Variants in LYNX1 observed in about 807,000 individuals in gnomAD.
LYNX1 encodes the protein Ly6/neurotoxin 1, also known as ly-6/neurotoxin-like protein 1.
In LYNX1, 8 loss-of-function variants were observed where a neutral mutation model predicts 8.3. That is an observed-to-expected ratio of 0.97 (90% CI 0.57 to 1.74). The LOEUF (loss-of-function observed/expected upper bound fraction) is 1.74, where lower values mean the gene tolerates loss of function less well. Among genes scored for constraint, LYNX1 ranks in the 40% most tolerant of loss-of-function variants. LYNX1 has a pLI of 0.00. For synonymous variants in LYNX1, 73 were observed against 67.9 expected (o/e 1.08, Z -0.37); for missense variants, 158 against 159.7 (o/e 0.99, Z 0.06).
rs3735992 is a variant in LYNX1 at position 142,772,329 on chromosome 8, C to G, written c.*2838G>C. 3.9e-4 allele frequency: 385 copies of G among 985,704 alleles called. 7 individuals are homozygous for G. The East Asian group carries it at 0.036, about 92-fold the overall frequency. 61.1% of individuals were successfully genotyped at this position (985,704 alleles called of 1,614,324 possible). A position where few individuals can be genotyped will look rare whatever the true frequency, so the allele number is the denominator to read the frequency against. On this transcript the variant is annotated 3_prime_UTR_variant, in exon 4 of 4. Coordinates refer to ENST00000652477, the MANE Select transcript of LYNX1 (RefSeq NM_177477.4). ...CAGTGCCTCTCCCCCTCTCCTCTGC[C>G]ACTCTGCCCTGCACCCAGAGGCAGC...
rs1381103468 is a variant in LYNX1, at chr8:142,775,383, T to C, written c.155-20A>G. 1.2e-6 allele frequency: 2 copies of C among 1,609,642 alleles called. No individual in the cohort carries two copies. Among genetic ancestry groups the C allele is most frequent in the South Asian group, 1.1e-5 (1 of 90,946 alleles). ...TGTAGTCTGCAGAGGGGCGGGGCGG[T>C]GAGCCAGCTCCGCTAAGAGGGGCAG... On this transcript the variant is annotated intron_variant, in intron 3 of 3. Coordinates refer to ENST00000652477, the MANE Select transcript of LYNX1 (RefSeq NM_177477.4).
rs774106728 is a variant in LYNX1 at position 142,775,328 on chromosome 8, A to G, written c.190T>C (p.Cys64Arg). Residue 64 changes from cysteine to arginine, a missense_variant, in exon 4 of 4, where the codon TGC becomes CGC. Coordinates refer to ENST00000652477, the MANE Select transcript of LYNX1 (RefSeq NM_177477.4). ...ACAGTCTCGAAGCAGCGGGGCACGC[A>G]GGACTTACTGACCTTCATCCTGGTG... ...TPTRMKVSKS[C>R]VPRCFETVYD... is the part of the protein sequence containing the mutation. 2.5e-6 allele frequency: 4 copies of G among 1,613,900 alleles called. No homozygotes were observed. In the South Asian group the frequency reaches 4.4e-5, roughly 18 times the overall value.
At position 142,772,611 on chromosome 8, in the gene LYNX1, A is replaced by G. The variant is rs765273508; in HGVS notation, c.*2556T>C. On this transcript the variant is annotated 3_prime_UTR_variant, in exon 4 of 4. Coordinates refer to ENST00000652477, the MANE Select transcript of LYNX1 (RefSeq NM_177477.4). ...TCAAAGGGGCAAGATAATGGCTCCC[A>G]TTGCCGGGCTGCTATACAGTGCTCA... 2.1e-4 allele frequency: 211 copies of G among 985,320 alleles called. No homozygotes were observed. Among genetic ancestry groups the G allele is most frequent in the Non-Finnish European group, 2.4e-4 (202 of 829,986 alleles). 61.0% of individuals were successfully genotyped at this position (985,320 alleles called of 1,614,324 possible). A position where few individuals can be genotyped will look rare whatever the true frequency, so the allele number is the denominator to read the frequency against.
At chr8:142,776,993 G>A (rs923765923) in intron 1 of LYNX1, 113 bp downstream of exon 1, 1 of 152,200 alleles carries the variant, frequency 6.6e-6, no homozygotes, top group Admixed American at 6.5e-5. Flanking sequence ...CCAGAGTCAG[G>A]CCTGCGGCTT....
Position 142,772,082 on chromosome 8 carries a change from G to A in LYNX1, c.*3085C>T, listed in dbSNP as rs1003128231. ...GAATGTATAACATCCCAGGGTGCCA[G>A]AGCCCGCCCAAGCAGCCACTCCTGT... On this transcript the variant is annotated 3_prime_UTR_variant, in exon 4 of 4. Coordinates refer to ENST00000652477, the MANE Select transcript of LYNX1 (RefSeq NM_177477.4). 5 of 986,230 alleles carry A rather than the reference G, an allele frequency of 5.1e-6. No homozygotes were observed. The African/African-American group carries it at 8.7e-5, about 17-fold the overall frequency. 61.1% of individuals were successfully genotyped at this position (986,230 alleles called of 1,614,324 possible). A position where few individuals can be genotyped will look rare whatever the true frequency, so the allele number is the denominator to read the frequency against.
In LYNX1 at chr8:142,773,354, G is replaced by A; in HGVS notation, c.*1813C>T. 1.0e-6 allele frequency: 1 copy of A among 985,700 alleles called. No individual in the cohort carries two copies. The highest frequency in any genetic ancestry group is 1.2e-6 in the Non-Finnish European group (1 of 830,174). 61.1% of individuals were successfully genotyped at this position (985,700 alleles called of 1,614,324 possible). A position where few individuals can be genotyped will look rare whatever the true frequency, so the allele number is the denominator to read the frequency against. On this transcript the variant is annotated 3_prime_UTR_variant, in exon 4 of 4. Coordinates refer to ENST00000652477, the MANE Select transcript of LYNX1 (RefSeq NM_177477.4). ...CTTAGGGCTACAGCCACAACCACTG[G>A]GGGTAGGGGCGAGGGGAGTCCAGGC...
rs1815344447 is a variant in LYNX1, at chr8:142,775,051, G to A, written c.*116C>T. 1.4e-6 allele frequency: 2 copies of A among 1,479,744 alleles called. No homozygotes were observed. Among genetic ancestry groups the A allele is most frequent in the East Asian group, 2.5e-5 (1 of 40,734 alleles). 91.7% of individuals were successfully genotyped at this position (1,479,744 alleles called of 1,614,324 possible). A position where few individuals can be genotyped will look rare whatever the true frequency, so the allele number is the denominator to read the frequency against. On this transcript the variant is annotated 3_prime_UTR_variant, in exon 4 of 4. Coordinates refer to ENST00000652477, the MANE Select transcript of LYNX1 (RefSeq NM_177477.4). The stretch of plus-strand genomic sequence containing the variant: ...TCTTCTTGCCCACAGTCCTGACCCT[G>A]GGCATGGCTGAGGAGGTCGCAGGGA...
In LYNX1 at chr8:142,774,512, G is replaced by A; in HGVS notation, c.*655C>T. 1.0e-6 allele frequency: 1 copy of A among 985,902 alleles called. No individual in the cohort carries two copies. The highest frequency in any genetic ancestry group is 1.2e-6 in the Non-Finnish European group (1 of 830,284). The allele number at this position is 985,902 out of a possible 1,614,324, so 61.1% of individuals were successfully genotyped here. A position where few individuals can be genotyped will look rare whatever the true frequency, so the allele number is the denominator to read the frequency against. On this transcript the variant is annotated 3_prime_UTR_variant, in exon 4 of 4. Coordinates refer to ENST00000652477, the MANE Select transcript of LYNX1 (RefSeq NM_177477.4). ...TTGACTGAGAGGACACACACCCCTT[G>A]CTGGACCCGAAAAAGCTTCTGTGAC...
upstream of LYNX1, chr8:142,777,409 C>G (rs1587618993): frequency 8.3e-6 from 1 of 121,080 alleles, no homozygotes; most frequent in African/African-American, 3.5e-5. Flanking sequence ...CCAAGCCGCG[C>G]TCACTGCAGG....
In LYNX1 at chr8:142,771,317, A is replaced by G. The variant is rs1815167566; in HGVS notation, c.*3850T>C. 2 of 985,484 alleles carry G rather than the reference A, an allele frequency of 2.0e-6. No individual in the cohort carries two copies. The highest frequency in any genetic ancestry group is 2.4e-6 in the Non-Finnish European group (2 of 830,018). 61.0% of individuals were successfully genotyped at this position (985,484 alleles called of 1,614,324 possible). On this transcript the variant is annotated 3_prime_UTR_variant, in exon 4 of 4. Coordinates refer to ENST00000652477, the MANE Select transcript of LYNX1 (RefSeq NM_177477.4). ...TGGCCCTGGGAAGCACCTGGACCCCAGAACATAAGACAGGAGGGAGAGATG... is the reference window on the plus strand; with the variant it reads ...TGGCCCTGGGAAGCACCTGGACCCCGGAACATAAGACAGGAGGGAGAGATG...
Position 142,773,364 on chromosome 8 carries a change from C to T in LYNX1, c.*1803G>A, listed in dbSNP as rs955067282. 1.3e-4 allele frequency: 127 copies of T among 985,730 alleles called. No individual in the cohort carries two copies. The highest frequency in any genetic ancestry group is 1.5e-4 in the Non-Finnish European group (125 of 830,320). The allele number at this position is 985,730 out of a possible 1,614,324, so 61.1% of individuals were successfully genotyped here. ...CAGCCACAACCACTGGGGGTAGGGG[C>T]GAGGGGAGTCCAGGCCCACCCTGTG... On this transcript the variant is annotated 3_prime_UTR_variant, in exon 4 of 4. Transcript: ENST00000652477.
chr8:142,776,035 C>T lies in LYNX1; in HGVS notation c.-78G>A, dbSNP rs1295231099. Reference sequence around the variant, plus strand: ...CTGGATCCAACTCAGGGGTGGCGCACAGAGGATCCAACTCAGGGTGGTGCG... The same window carrying T: ...CTGGATCCAACTCAGGGGTGGCGCATAGAGGATCCAACTCAGGGTGGTGCG... On this transcript the variant is annotated 5_prime_UTR_variant, in exon 2 of 4. It adds an upstream start codon to the 5' untranslated region. Transcript: ENST00000652477. The T allele has an allele frequency of 1.2e-5, 19 of 1,542,702 alleles. No individual in the cohort carries two copies. Among genetic ancestry groups the T allele is most frequent in the Non-Finnish European group, 1.6e-5 (18 of 1,124,346 alleles).
chr8:142,774,721 G>C lies in LYNX1; in HGVS notation c.*446C>G. 9.9e-7 allele frequency: 1 copy of C among 1,009,982 alleles called. No homozygotes were observed. The highest frequency in any genetic ancestry group is 1.2e-6 in the Non-Finnish European group (1 of 845,256). 62.6% of individuals were successfully genotyped at this position (1,009,982 alleles called of 1,614,324 possible). A position where few individuals can be genotyped will look rare whatever the true frequency, so the allele number is the denominator to read the frequency against. On this transcript the variant is annotated 3_prime_UTR_variant, in exon 4 of 4. Coordinates refer to ENST00000652477, the MANE Select transcript of LYNX1 (RefSeq NM_177477.4). ...GTAGGAAGCGTGACTAGGCCTGGAG[G>C]AGCCTTTCCTCCTAAGAGTCTCCCC...
In LYNX1 at chr8:142,774,843, G is replaced by A; in HGVS notation, c.*324C>T. 8.2e-7 allele frequency: 1 copy of A among 1,212,626 alleles called. No individual in the cohort carries two copies. The allele number at this position is 1,212,626 out of a possible 1,614,324, so 75.1% of individuals were successfully genotyped here. On this transcript the variant is annotated 3_prime_UTR_variant, in exon 4 of 4. Transcript: ENST00000652477. ...CTCTCCTAGGGCTTCCCAGAAGGTGGGCTTGGCCACAGCTCCCATCTGCTC... is the reference window on the plus strand; with the variant it reads ...CTCTCCTAGGGCTTCCCAGAAGGTGAGCTTGGCCACAGCTCCCATCTGCTC...
Position 142,775,071 on chromosome 8 carries a change from C to T in LYNX1, c.*96G>A. 1 of 1,497,164 alleles carries T rather than the reference C, an allele frequency of 6.7e-7. No homozygotes were observed. The allele number at this position is 1,497,164 out of a possible 1,614,324, so 92.7% of individuals were successfully genotyped here. On this transcript the variant is annotated 3_prime_UTR_variant, in exon 4 of 4. Coordinates refer to ENST00000652477, the MANE Select transcript of LYNX1 (RefSeq NM_177477.4). ...ACCCTGGGCATGGCTGAGGAGGTCG[C>T]AGGGAGTGTGGAGGGTGAGGCAGGG...
At chr8:142,775,479 C>T in intron 3 of LYNX1, 114 bp downstream of exon 3, 1 of 1,561,168 alleles carries the variant, frequency 6.4e-7, no homozygotes, top group East Asian at 2.4e-5. Flanking sequence ...AGCTCCCAGA[C>T]AGGATCCGGG....
intron 3 of LYNX1, 99 bp downstream of exon 3, chr8:142,775,494 G>A: frequency 6.4e-7 from 1 of 1,557,138 alleles, no homozygotes; most frequent in Non-Finnish European, 8.7e-7. Flanking sequence ...TCCGGGAACA[G>A]GAGAGCCTCC....
chr8:142,772,787 A>G lies in LYNX1; in HGVS notation c.*2380T>C. ...CTCCCCATGAGTGGGCCTGCCCAGC[A>G]TTAGCTGAGTGCCTTCTGTGTGCTC... On this transcript the variant is annotated 3_prime_UTR_variant, in exon 4 of 4. Coordinates refer to ENST00000652477, the MANE Select transcript of LYNX1 (RefSeq NM_177477.4). 1 of 985,642 alleles carries G rather than the reference A, an allele frequency of 1.0e-6. No homozygotes were observed. Among genetic ancestry groups the G allele is most frequent in the Non-Finnish European group, 1.2e-6 (1 of 830,064 alleles). The allele number at this position is 985,642 out of a possible 1,614,324, so 61.1% of individuals were successfully genotyped here.
Position 142,776,029 on chromosome 8 carries a change from G to A in LYNX1, c.-72C>T, listed in dbSNP as rs1815410890. On this transcript the variant is annotated 5_prime_UTR_variant, in exon 2 of 4. Transcript: ENST00000652477. Reference sequence around the variant, plus strand: ...CTAGCCCTGGATCCAACTCAGGGGTGGCGCACAGAGGATCCAACTCAGGGT... The same window carrying A: ...CTAGCCCTGGATCCAACTCAGGGGTAGCGCACAGAGGATCCAACTCAGGGT... 3 of 1,521,734 alleles carry A rather than the reference G, an allele frequency of 2.0e-6. 1 individual carries two copies. The South Asian group carries it at 3.4e-5, about 17-fold the overall frequency. 94.3% of individuals were successfully genotyped at this position (1,521,734 alleles called of 1,614,324 possible). A position where few individuals can be genotyped will look rare whatever the true frequency, so the allele number is the denominator to read the frequency against.
Sources: allele counts gnomAD v4.1 joint callset, GRCh38; gene constraint gnomAD v4.1.1; transcripts MANE v1.5; gene names NCBI Gene and HGNC (gene_info 2026-07-23, HGNC 2026-07-21).